Variants in KIF6 observed in about 807,000 individuals in gnomAD.
KIF6 encodes kinesin family member 6, also known as kinesin-like protein KIF6.
A neutral mutation model predicts 112.7 loss-of-function variants in KIF6; 106 were observed. The ratio of observed to expected loss-of-function variants is 0.94; its 90% CI spans 0.80 to 1.11. The LOEUF (loss-of-function observed/expected upper bound fraction) is 1.11, where lower values mean the gene tolerates loss of function less well. KIF6 is among the 50% of genes least tolerant of loss of function. The pLI is 0.00. For missense variants in KIF6, 929 were observed against 964.0 expected (o/e 0.96, Z 0.48); for synonymous variants, 339 against 339.9 (o/e 1.00, Z 0.03).
At chr6:39,464,776 A>C (rs1581915690) in intron 13 of KIF6, among the ~76,000 whole-genome samples, 1 of 152,222 alleles carries the variant, frequency 6.6e-6, no homozygotes, top group East Asian at 1.9e-4. Flanking sequence ...AGAGATCAGC[A>C]CAACTTGTTG....
At chr6:39,546,940 G>A (rs1384082839) in intron 10 of KIF6, among the ~76,000 whole-genome samples, 4 of 151,152 alleles carry the variant, frequency 2.6e-5, no homozygotes, top group African/African-American at 7.3e-5. Flanking sequence ...TGTTCTTCCC[G>A]TCCCCCTAAC....
chr6:39,587,655 T>G (rs999295586), intron 7 of KIF6, among the ~76,000 whole-genome samples: 12 of 152,124 alleles, frequency 7.9e-5, no homozygotes, highest in African/African-American at 2.7e-4. Context: ...ATATGATAGA[T>G]ATAGATTCGG....
intron 13 of KIF6, among the ~76,000 whole-genome samples, chr6:39,461,644 A>T (rs1254472864): frequency 3.9e-5 from 6 of 152,190 alleles, no homozygotes; most frequent in Non-Finnish European, 8.8e-5. Flanking sequence ...ATGCTAAATA[A>T]CTATACTCAT....
At chr6:39,532,182 A>G (rs529110669) in intron 13 of KIF6, among the ~76,000 whole-genome samples, 20 of 152,306 alleles carry the variant, frequency 1.3e-4, no homozygotes, top group African/African-American at 4.6e-4. Flanking sequence ...CAATCTGTAC[A>G]TACTCTGAGG....
intron 13 of KIF6, among the ~76,000 whole-genome samples, chr6:39,474,795 G>A (rs547146499): frequency 8.8e-4 from 134 of 152,356 alleles, no homozygotes; most frequent in African/African-American, 3.0e-3. Context: ...TAAGTGGCAA[G>A]CCTCATACGA....
chr6:39,466,519 T>A (rs191292086), intron 13 of KIF6, among the ~76,000 whole-genome samples: 1 of 152,208 alleles, frequency 6.6e-6, no homozygotes, highest in Non-Finnish European at 1.5e-5. Context: ...TTCAAGGAAA[T>A]CTACTAAATC....
chr6:39,442,340 A>G (rs931425896), intron 13 of KIF6, among the ~76,000 whole-genome samples: 1 of 152,212 alleles, frequency 6.6e-6, no homozygotes, highest in African/African-American at 2.4e-5. Context: ...GCCAGCAATA[A>G]CAAAAGACAT....
At chr6:39,526,765 G>T (rs1777759806) in intron 13 of KIF6, among the ~76,000 whole-genome samples, 2 of 150,558 alleles carry the variant, frequency 1.3e-5, no homozygotes, top group South Asian at 4.2e-4. Flanking sequence ...AAGTGCGATT[G>T]ACCACAGAGC....
intron 14 of KIF6, among the ~76,000 whole-genome samples, chr6:39,420,467 G>A (rs1054959415): frequency 6.6e-6 from 1 of 152,148 alleles, no homozygotes; most frequent in Non-Finnish European, 1.5e-5. Flanking sequence ...TGTAAATAAA[G>A]TTGCCCTGGA....
At chr6:39,675,103 G>C (rs564287332) in intron 3 of KIF6, among the ~76,000 whole-genome samples, 3 of 152,030 alleles carry the variant, frequency 2.0e-5, no homozygotes, top group African/African-American at 7.2e-5. Flanking sequence ...AAAAATGTAA[G>C]GAAAATATCT....
intron 5 of KIF6, chr6:39,617,861 T>C: frequency 2.4e-6 from 1 of 410,534 alleles, no homozygotes; most frequent in Admixed American, 2.6e-5. Context: ...TTTCACATGT[T>C]GTAAACATAG....
At chr6:39,504,728 A>G (rs1301017063) in intron 13 of KIF6, among the ~76,000 whole-genome samples, 1 of 152,234 alleles carries the variant, frequency 6.6e-6, no homozygotes, top group Non-Finnish European at 1.5e-5. Flanking sequence ...GAGCCAAATC[A>G]TAAATGAACT....
chr6:39,361,943 A>G (rs1356902236), intron 17 of KIF6, among the ~76,000 whole-genome samples: 2 of 152,196 alleles, frequency 1.3e-5, no homozygotes, highest in African/African-American at 2.4e-5. Flanking sequence ...AAATGCATCA[A>G]TGAATGAGTG....
At chr6:39,419,904 G>C (rs375327625) in intron 15 of KIF6, 44 bp downstream of exon 15, 31 of 1,533,186 alleles carry the variant, frequency 2.0e-5, no homozygotes, top group Non-Finnish European at 2.5e-5. Flanking sequence ...TTTTCACCAG[G>C]AAAATGGTTT....
At chr6:39,450,374 G>A (rs961699895) in intron 13 of KIF6, among the ~76,000 whole-genome samples, 2 of 152,186 alleles carry the variant, frequency 1.3e-5, no homozygotes, top group African/African-American at 4.8e-5. Flanking sequence ...TAGTCGATAC[G>A]GAAGGCAAGT....
chr6:39,637,959 G>A (rs894651594), intron 4 of KIF6, among the ~76,000 whole-genome samples: 3 of 151,944 alleles, frequency 2.0e-5, no homozygotes, highest in Non-Finnish European at 2.9e-5. Flanking sequence ...TAAGTACTAA[G>A]GAGACATTTA....
chr6:39,585,038 T>C (rs1781545745), intron 8 of KIF6, 54 bp from the exon 9 acceptor site: 1 of 1,029,710 alleles, frequency 9.7e-7, no homozygotes. Context: ...GATATTTCTT[T>C]CTAGATAAAA....
chr6:39,571,660 C>A (rs1334210504), intron 10 of KIF6, among the ~76,000 whole-genome samples: 2 of 152,156 alleles, frequency 1.3e-5, no homozygotes, highest in Non-Finnish European at 2.9e-5. Flanking sequence ...CAATTCATTT[C>A]CTAGATACCA....
chr6:39,489,874 GA>G (rs1775365454), intron 13 of KIF6, among the ~76,000 whole-genome samples: 3 of 152,184 alleles, frequency 2.0e-5, no homozygotes, highest in Non-Finnish European at 4.4e-5. Context: ...ACAGAGAGCA[GA>G]AAGCAGAAAA....
Sources: gnomAD v4.1 joint callset for allele counts (sites outside exome capture counted in the v4.1 genomes callset) on GRCh38, gnomAD v4.1.1 for gene constraint, MANE v1.5 for transcripts, NCBI Gene and HGNC (gene_info 2026-07-23, HGNC 2026-07-21) for gene names.